Variants in RGPD8 observed in about 807,000 individuals in gnomAD.
RGPD8 encodes the protein RANBP2-like and GRIP domain-containing protein 8.
Under a neutral mutation model 89.1 loss-of-function variants are expected in RGPD8, and 15 were observed. The ratio of observed to expected loss-of-function variants is 0.17; its 90% CI spans 0.11 to 0.26. The LOEUF is 0.26. Ranked by LOEUF, RGPD8 falls within the 10% of genes least tolerant of loss-of-function variation. The probability of loss-of-function intolerance (pLI) is 1.00; values close to 1 mark genes in which losing one functional copy is unlikely to be tolerated. For missense variants in RGPD8, 178 were observed against 1,179.6 expected, an observed-to-expected ratio of 0.15 and a Z score of 12.44; for synonymous variants, 62 against 420.9, an observed-to-expected ratio of 0.15 and a Z score of 10.44.
intron 20 of RGPD8, among the ~76,000 whole-genome samples, chr2:112,387,404 C>G (rs1258255390): frequency 7.0e-6 from 1 of 142,822 alleles, no homozygotes; most frequent in African/African-American, 2.6e-5. Context: ...GTCACTCAGT[C>G]AGGCTGGAGT....
At chr2:112,390,310 AC>A (rs1482314886) in intron 19 of RGPD8, 63 bp from the exon 20 acceptor site, 1 of 1,074,762 alleles carries the variant, frequency 9.3e-7, no homozygotes, top group East Asian at 2.4e-5. Context: ...TGAAATAAAT[AC>A]CTTCTTCATT....
intron 21 of RGPD8, among the ~76,000 whole-genome samples, chr2:112,380,529 T>C (rs1346593896): frequency 2.7e-5 from 4 of 148,012 alleles, no homozygotes; most frequent in Non-Finnish European, 6.0e-5. Flanking sequence ...GGCGGGCACC[T>C]GTAGTCCCAG....
In RGPD8 at chr2:112,377,667, C is replaced by T. The variant is rs537977827; in HGVS notation, c.5263+386G>A. Among the ~76,000 whole-genome samples, 20 of 96,348 alleles carry T rather than the reference C, an allele frequency of 2.1e-4. 4 individuals carry two copies. The East Asian group carries it at 5.8e-3, about 28-fold the overall frequency. The allele number at this position is 96,348 out of a possible 152,430, so 63.2% of individuals were successfully genotyped here. On this transcript the variant is annotated intron_variant, in intron 22 of 22. Coordinates refer to ENST00000302558, the MANE Select transcript of RGPD8 (RefSeq NM_001164463.1). ...GGCTCTATGGCTCCATTGTCTTAGG[C>T]TATTTGGGGTTGGAGGAAGGAAGAG...
At chr2:112,402,553 A>C (rs1678909440) in intron 9 of RGPD8, among the ~76,000 whole-genome samples, 1 of 63,676 alleles carries the variant, frequency 1.6e-5, no homozygotes, top group Admixed American at 1.4e-4. Context: ...TTCTGGAAGC[A>C]TGAAGAGGTA....
chr2:112,424,702 C>T (rs1679692114), intron 1 of RGPD8, among the ~76,000 whole-genome samples: 1 of 151,972 alleles, frequency 6.6e-6, no homozygotes, highest in Non-Finnish European at 1.5e-5. Context: ...TGCCATTGCA[C>T]TCCAGCCTGG....
intron 2 of RGPD8, among the ~76,000 whole-genome samples, chr2:112,423,251 G>A (rs1482804530): frequency 0.063 from 9 of 142 alleles, 1 homozygote; most frequent in African/African-American, 0.1. Flanking sequence ...ACAGTATTAC[G>A]ATCAGAGAAA....
rs192199932 is a variant in RGPD8, at chr2:112,432,650, G to A, written c.72+732C>T. 2.4e-3 allele frequency: 2,354 copies of A among 984,966 alleles called. 34 individuals carry two copies. In the African/African-American group the frequency reaches 0.038, roughly 16 times the overall value. 61.0% of individuals were successfully genotyped at this position (984,966 alleles called of 1,614,324 possible). A position where few individuals can be genotyped will look rare whatever the true frequency, so the allele number is the denominator to read the frequency against. On this transcript the variant is annotated intron_variant, in intron 1 of 22. Coordinates refer to ENST00000302558, the MANE Select transcript of RGPD8 (RefSeq NM_001164463.1). ...TATAAAGTAAATGTCCAGGACATGGGAAGAAACCCGCCGATACAGCACCCG... is the reference window on the plus strand; with the variant it reads ...TATAAAGTAAATGTCCAGGACATGGAAAGAAACCCGCCGATACAGCACCCG...
intron 6 of RGPD8, among the ~76,000 whole-genome samples, chr2:112,415,765 C>T (rs1301110308): frequency 7.1e-6 from 1 of 141,054 alleles, no homozygotes; most frequent in Non-Finnish European, 1.5e-5. Context: ...CACATGTAGT[C>T]CCACCTATTC....
At chr2:112,403,780 AAAC>A (rs1228399497) in intron 9 of RGPD8, among the ~76,000 whole-genome samples, 183 bp downstream of exon 9, 12 of 63,500 alleles carry the variant, frequency 1.9e-4, no homozygotes, top group East Asian at 1.8e-3. Flanking sequence ...TTGGTCTCAA[AAAC>A]AACAACAACA....
intron 7 of RGPD8, among the ~76,000 whole-genome samples, chr2:112,408,915 G>A (rs1276787532): frequency 1.8e-4 from 28 of 151,548 alleles, no homozygotes; most frequent in Admixed American, 9.2e-4. Context: ...TAAGCGATCC[G>A]CCCGCCTCAG....
At chr2:112,387,868 AAC>A (rs1678518899) in intron 20 of RGPD8, among the ~76,000 whole-genome samples, 154 bp downstream of exon 20, 1 of 145,362 alleles carries the variant, frequency 6.9e-6, no homozygotes, top group African/African-American at 2.5e-5. Context: ...CCTCACCGAG[AAC>A]TTATTAAGGG....
intron 20 of RGPD8, among the ~76,000 whole-genome samples, chr2:112,381,919 A>G (rs1573992912): frequency 2.0e-5 from 3 of 152,426 alleles, no homozygotes; most frequent in African/African-American, 7.2e-5. Flanking sequence ...TGATTGGATT[A>G]AAGGATGCAA....
At chr2:112,382,261 C>T (rs2699593) in intron 20 of RGPD8, among the ~76,000 whole-genome samples, 2 of 152,084 alleles carry the variant, frequency 1.3e-5, no homozygotes, top group Admixed American at 6.5e-5. Context: ...TCCATCCATC[C>T]CATCCATCCA....
Position 112,429,906 on chromosome 2 carries a change from C to G in RGPD8, c.72+3476G>C, listed in dbSNP as rs1479472709. Among the ~76,000 whole-genome samples the G allele has an allele frequency of 8.5e-5, 13 of 152,216 alleles. No homozygotes were observed. The East Asian group carries it at 2.5e-3, about 29-fold the overall frequency. On this transcript the variant is annotated intron_variant, in intron 1 of 22. Transcript: ENST00000302558. ...CACCACAACCTCTGCCTCCAGGGTT[C>G]AAGCAATTCTCCTGTCTCAGCCTAC...
intron 1 of RGPD8, among the ~76,000 whole-genome samples, chr2:112,432,943 A>G (rs78089822): frequency 0.022 from 2,486 of 113,726 alleles, 18 homozygotes; most frequent in Middle Eastern, 0.045. Context: ...CCCCTGACCC[A>G]TCGAGGCCGC....
chr2:112,431,755 G>C (rs901576638), intron 1 of RGPD8, among the ~76,000 whole-genome samples: 95 of 151,622 alleles, frequency 6.3e-4, no homozygotes, highest in Non-Finnish European at 1.3e-3. Context: ...TCCTGCCTCA[G>C]CCTCCCAGGT....
intron 3 of RGPD8, 113 bp downstream of exon 3, chr2:112,422,435 T>C (rs1679594070): frequency 1.6e-5 from 24 of 1,478,258 alleles, no homozygotes; most frequent in South Asian, 2.4e-5. Context: ...TGTACTATGA[T>C]ACCAATGCCT....
chr2:112,405,204 G>GT (rs1332564474), intron 8 of RGPD8, among the ~76,000 whole-genome samples: 5 of 142,974 alleles, frequency 3.5e-5, no homozygotes, highest in Non-Finnish European at 6.1e-5. Context: ...ACTGACTGTG[G>GT]TGACAGTGGT....
At chr2:112,382,035 T>A (rs1408445903) in intron 20 of RGPD8, among the ~76,000 whole-genome samples, 1 of 151,712 alleles carries the variant, frequency 6.6e-6, no homozygotes, top group Non-Finnish European at 1.5e-5. Flanking sequence ...AGGTGCCATC[T>A]AATCAGCTGC....
Sources: gnomAD v4.1 joint callset for allele counts (sites outside exome capture counted in the v4.1 genomes callset) on GRCh38, gnomAD v4.1.1 for gene constraint, MANE v1.5 for transcripts, NCBI Gene and HGNC (gene_info 2026-07-23, HGNC 2026-07-21) for gene names.